Variants in ZFAND3 observed in about 807,000 individuals in gnomAD.
The protein encoded by ZFAND3 is AN1-type zinc finger protein 3.
In ZFAND3, 10 loss-of-function variants were observed where a neutral mutation model predicts 29.6. That is an observed-to-expected ratio of 0.34 (90% CI 0.21 to 0.57). The LOEUF (loss-of-function observed/expected upper bound fraction) is 0.57, where lower values mean the gene tolerates loss of function less well. ZFAND3 is among the 20% of genes least tolerant of loss of function. ZFAND3 has a pLI of 0.86. For synonymous variants in ZFAND3, 128 were observed against 112.6 expected, an observed-to-expected ratio of 1.14 and a Z score of -0.87; for missense variants, 230 against 304.5, an observed-to-expected ratio of 0.76 and a Z score of 1.82.
Position 38,116,624 on chromosome 6 carries a change from G to A in ZFAND3, c.414G>A (p.Glu138=). ...CAGTAAAACGGCCACGACTACTTGA[G>A]AATACGGAACGGTCCGAGGAAACCA... is the stretch of plus-strand genomic sequence containing the variant. The part of the protein sequence containing the change: ...ASPVKRPRLL[E]NTERSEETSR... Residue 138 remains glutamate, a synonymous_variant, in exon 5 of 6, where the codon GAG becomes GAA. Transcript: ENST00000287218. 1 of 1,613,920 alleles carries A rather than the reference G, an allele frequency of 6.2e-7. No homozygotes were observed. The highest frequency in any genetic ancestry group is 8.5e-7 in the Non-Finnish European group (1 of 1,179,806).
intron 2 of ZFAND3, among the ~76,000 whole-genome samples, chr6:38,031,009 C>T (rs1763548818): frequency 6.6e-6 from 1 of 152,082 alleles, no homozygotes; most frequent in Non-Finnish European, 1.5e-5. Context: ...TAAGTTGTAC[C>T]TGAGATGGGG....
intron 2 of ZFAND3, among the ~76,000 whole-genome samples, chr6:38,013,822 A>T (rs975667588): frequency 3.9e-5 from 6 of 152,200 alleles, no homozygotes; most frequent in Admixed American, 6.5e-5. Context: ...CAGTATTTTT[A>T]AAAAAGACAC....
chr6:37,842,468 C>G (rs893210777), intron 1 of ZFAND3, among the ~76,000 whole-genome samples: 4 of 152,070 alleles, frequency 2.6e-5, no homozygotes, highest in African/African-American at 9.7e-5. Context: ...TGATATTTAT[C>G]AGTGTTGTAT....
intron 2 of ZFAND3, among the ~76,000 whole-genome samples, chr6:37,985,689 T>A (rs1020980818): frequency 2.6e-5 from 4 of 151,990 alleles, no homozygotes; most frequent in African/African-American, 4.8e-5. Context: ...CAAAAAAAAA[T>A]AACAATAAGT....
At chr6:37,874,794 T>A (rs1764762775) in intron 1 of ZFAND3, among the ~76,000 whole-genome samples, 1 of 152,174 alleles carries the variant, frequency 6.6e-6, no homozygotes, top group Non-Finnish European at 1.5e-5. Flanking sequence ...CAGGCTGGTC[T>A]CAAACTCTGG....
intron 4 of ZFAND3, among the ~76,000 whole-genome samples, chr6:38,104,334 T>A (rs184298683): frequency 6.6e-6 from 1 of 152,338 alleles, no homozygotes; most frequent in African/African-American, 2.4e-5. Flanking sequence ...AGCTTTGACT[T>A]CTGCCTGTGA....
intron 2 of ZFAND3, among the ~76,000 whole-genome samples, chr6:37,978,484 G>T (rs1392763656): frequency 2.0e-5 from 3 of 152,092 alleles, no homozygotes; most frequent in Non-Finnish European, 4.4e-5. Flanking sequence ...TTAATTTTCT[G>T]TTAGGGGTTT....
chr6:37,939,433 C>G (rs1761770533), intron 2 of ZFAND3, among the ~76,000 whole-genome samples: 1 of 152,168 alleles, frequency 6.6e-6, no homozygotes, highest in African/African-American at 2.4e-5. Context: ...TCAGTCTTAT[C>G]CCGGATTATC....
intron 5 of ZFAND3, among the ~76,000 whole-genome samples, chr6:38,135,392 C>T (rs931741116): frequency 4.6e-5 from 7 of 152,214 alleles, no homozygotes; most frequent in African/African-American, 1.2e-4. Context: ...TCTACATCTC[C>T]GTGTTTTGTG....
At chr6:37,994,130 G>A (rs1347396447) in intron 2 of ZFAND3, among the ~76,000 whole-genome samples, 2 of 152,090 alleles carry the variant, frequency 1.3e-5, no homozygotes, top group East Asian at 3.8e-4. Context: ...GTGTGTGTGT[G>A]TGTGTGTTTT....
intron 1 of ZFAND3, among the ~76,000 whole-genome samples, chr6:37,918,980 G>T (rs62398427): frequency 0.09 from 6,882 of 76,548 alleles, 223 homozygotes; most frequent in Non-Finnish European, 0.11. Context: ...TTGAGACGGA[G>T]TCTCGCTCTG....
chr6:38,026,806 A>G (rs1763459030), intron 2 of ZFAND3, among the ~76,000 whole-genome samples: 1 of 147,556 alleles, frequency 6.8e-6, no homozygotes, highest in African/African-American at 2.5e-5. Context: ...AGAGAGAGAG[A>G]GAGAGTGTAA....
intron 5 of ZFAND3, among the ~76,000 whole-genome samples, chr6:38,145,212 C>T (rs942320704): frequency 3.9e-5 from 6 of 152,328 alleles, no homozygotes; most frequent in South Asian, 4.1e-4. Context: ...AACCAGCGGA[C>T]GCTACTTGAC....
chr6:38,000,044 T>G (rs1331604876), intron 2 of ZFAND3, among the ~76,000 whole-genome samples: 3 of 152,156 alleles, frequency 2.0e-5, no homozygotes, highest in Non-Finnish European at 4.4e-5. Context: ...ATAAAGCTTT[T>G]TTAAAAAAGG....
At chr6:38,087,189 C>G (rs1389266420) in intron 4 of ZFAND3, among the ~76,000 whole-genome samples, 1 of 152,136 alleles carries the variant, frequency 6.6e-6, no homozygotes, top group Non-Finnish European at 1.5e-5. Context: ...AAAATAAAAT[C>G]AAAGTGGATT....
At position 38,146,870 on chromosome 6, in the gene ZFAND3, G is replaced by A. The variant is rs577985001; in HGVS notation, c.530-5365G>A. Among the ~76,000 whole-genome samples, 5 of 152,276 alleles carry A rather than the reference G, an allele frequency of 3.3e-5. No homozygotes were observed. In the South Asian group the frequency reaches 6.2e-4, roughly 19 times the overall value. Reference sequence around the variant, plus strand: ...TTTTTAAAATTACATGCTGCTGAACGATAGGGCCATAAGGAAAGTGTAGAT... The same window carrying A: ...TTTTTAAAATTACATGCTGCTGAACAATAGGGCCATAAGGAAAGTGTAGAT... On this transcript the variant is annotated intron_variant, in intron 5 of 5. Coordinates refer to ENST00000287218, the MANE Select transcript of ZFAND3 (RefSeq NM_021943.3).
At chr6:38,132,790 A>C (rs550709057) in intron 5 of ZFAND3, among the ~76,000 whole-genome samples, 1 of 151,632 alleles carries the variant, frequency 6.6e-6, no homozygotes, top group South Asian at 2.1e-4. Context: ...GTTGCTGGGC[A>C]ACTTAGATTG....
chr6:37,914,672 C>CTTTTTTTTTTTTTTTTTTTTTTTTTTTT (rs71542148), intron 1 of ZFAND3, among the ~76,000 whole-genome samples: 7 of 114,202 alleles, frequency 6.1e-5, no homozygotes, highest in Admixed American at 1.7e-4. Flanking sequence ...CTTTTTTTTT[C>CTTTTTTTTTTTTTTTTTTTTTTTTTTTT]TTTTTTTTTT....
chr6:38,003,925 C>T (rs1024994314), intron 2 of ZFAND3: 7 of 301,422 alleles, frequency 2.3e-5, no homozygotes, highest in Admixed American at 1.4e-4. Flanking sequence ...TTCTGTCGTC[C>T]GAATGAAAAA....
Sources: gnomAD v4.1 joint callset for allele counts (sites outside exome capture counted in the v4.1 genomes callset) on GRCh38, gnomAD v4.1.1 for gene constraint, MANE v1.5 for transcripts, NCBI Gene and HGNC (gene_info 2026-07-23, HGNC 2026-07-21) for gene names.